TRAF2: variants seen among roughly 807,000 people sequenced by gnomAD.
The protein encoded by TRAF2 is TNF receptor-associated factor 2.
TRAF2 carries 6 observed loss-of-function variants against 55.6 expected under a neutral mutation model. The observed-to-expected ratio is 0.11, with a 90% CI of 0.06 to 0.21. The LOEUF is 0.21. Among genes scored for constraint, TRAF2 ranks in the 10% least tolerant of loss-of-function variants. The probability of loss-of-function intolerance (pLI) is 1.00; values close to 1 mark genes in which losing one functional copy is unlikely to be tolerated. For missense variants in TRAF2, 561 were observed against 684.5 expected, an observed-to-expected ratio of 0.82 and a Z score of 2.01; for synonymous variants, 329 against 276.3, an observed-to-expected ratio of 1.19 and a Z score of -1.89.
At chr9:136,888,383 A>T (rs1849501433) in intron 1 of TRAF2, among the ~76,000 whole-genome samples, 1 of 152,094 alleles carries the variant, frequency 6.6e-6, no homozygotes, top group Non-Finnish European at 1.5e-5. Flanking sequence ...GTGAGCCGAG[A>T]TCGCGCCACT....
intron 6 of TRAF2, 79 bp downstream of exon 6, chr9:136,910,073 G>C: frequency 6.9e-7 from 1 of 1,451,254 alleles, no homozygotes; most frequent in Non-Finnish European, 9.5e-7. Flanking sequence ...GGTGGGGGTG[G>C]GGCAGGTTAT....
chr9:136,906,059 C>G (rs1463711934), intron 4 of TRAF2, among the ~76,000 whole-genome samples: 1 of 152,128 alleles, frequency 6.6e-6, no homozygotes, highest in Non-Finnish European at 1.5e-5. Context: ...TTGCAGTGAG[C>G]CGAGATCGCG....
At chr9:136,893,056 G>A (rs1849613231) in intron 1 of TRAF2, among the ~76,000 whole-genome samples, 1 of 152,190 alleles carries the variant, frequency 6.6e-6, no homozygotes, top group African/African-American at 2.4e-5. Context: ...ATGAATGTGC[G>A]CTGAGGGTGC....
intron 6 of TRAF2, among the ~76,000 whole-genome samples, chr9:136,915,880 C>A (rs1850228983): frequency 6.6e-6 from 1 of 152,276 alleles, no homozygotes; most frequent in East Asian, 1.9e-4. Flanking sequence ...TTCCCTCCTT[C>A]CGGGTATGAA....
intron 3 of TRAF2, 141 bp from the exon 4 acceptor site, chr9:136,900,279 CAG>C (rs776142228): frequency 1.5e-5 from 8 of 536,764 alleles, no homozygotes; most frequent in South Asian, 8.3e-5. Context: ...AAAAAGGAAT[CAG>C]AGAGTCATCC....
chr9:136,898,881 G>A lies in TRAF2; in HGVS notation c.141G>A (p.Ala47=), dbSNP rs757984458. The change falls in exon 2 of 11, where the codon GCG becomes GCA. Residue 47 remains alanine (A), a synonymous_variant. Transcript: ENST00000247668. ...CRNVLRRPFQ[A]QCGHRYCSFC... is the part of the protein sequence containing the mutation. ...ACGTCCTCCGCAGGCCCTTCCAGGC[G>A]CAGTGTGGCCACCGGTACTGCTCCT... 37 of 1,612,678 alleles carry A rather than the reference G, an allele frequency of 2.3e-5. No homozygotes were observed. In the East Asian group the frequency reaches 2.5e-4, roughly 11 times the overall value.
intron 4 of TRAF2, among the ~76,000 whole-genome samples, chr9:136,904,037 T>G (rs1201740466): frequency 1.3e-5 from 2 of 152,202 alleles, no homozygotes; most frequent in Admixed American, 1.3e-4. Flanking sequence ...GCAGTGAGGC[T>G]GAGAGTAGAG....
chr9:136,907,290 G>A (rs533728693), intron 4 of TRAF2, among the ~76,000 whole-genome samples: 6 of 152,344 alleles, frequency 3.9e-5, no homozygotes, highest in African/African-American at 1.4e-4. Flanking sequence ...TGCCTCCACT[G>A]CCTGCCTTCC....
intron 4 of TRAF2, among the ~76,000 whole-genome samples, chr9:136,901,740 C>T (rs1024354952): frequency 5.9e-5 from 9 of 152,164 alleles, no homozygotes; most frequent in Non-Finnish European, 1.0e-4. Context: ...GCTTCCTGCC[C>T]GGGCCAGAGC....
At position 136,926,054 on chromosome 9, in the gene TRAF2, C is replaced by T. The variant is rs1026538130; in HGVS notation, c.*153C>T. ...GTCGGCCTGCAGCCAAGTTCACTGT[C>T]ACGGGGGAAGGAGCCACCAGCCAGT... is the stretch of plus-strand genomic sequence containing the variant. On this transcript the variant is annotated 3_prime_UTR_variant, in exon 11 of 11. Transcript: ENST00000247668. 1 of 946,484 alleles carries T rather than the reference C, an allele frequency of 1.1e-6. No individual in the cohort carries two copies. Among genetic ancestry groups the T allele is most frequent in the Admixed American group, 1.8e-5 (1 of 56,612 alleles). 58.6% of individuals were successfully genotyped at this position (946,484 alleles called of 1,614,324 possible).
upstream of TRAF2, among the ~76,000 whole-genome samples, chr9:136,884,583 G>A (rs1192701966): frequency 2.7e-5 from 4 of 148,454 alleles, no homozygotes; most frequent in Non-Finnish European, 4.5e-5. Context: ...AAGAGACAGG[G>A]TCTCACTCTA....
chr9:136,908,593 G>A (rs1850015993), intron 5 of TRAF2, among the ~76,000 whole-genome samples: 2 of 150,788 alleles, frequency 1.3e-5, no homozygotes. Flanking sequence ...GTGGCCAGGT[G>A]CGGCGGTTCA....
rs753482963 is a variant in TRAF2, at chr9:136,925,926, T to G, written c.*25T>G. On this transcript the variant is annotated 3_prime_UTR_variant, in exon 11 of 11. Transcript: ENST00000247668. Reference sequence around the variant, plus strand: ...ACTGCCCCCTACTGGTGTCTGGGGGTTGGGGGCAGCCAGGCACAGCCGGCT... The same window carrying G: ...ACTGCCCCCTACTGGTGTCTGGGGGGTGGGGGCAGCCAGGCACAGCCGGCT... 6.2e-7 allele frequency: 1 copy of G among 1,612,440 alleles called. No individual in the cohort carries two copies. The highest frequency in any genetic ancestry group is 1.1e-5 in the South Asian group (1 of 91,016).
At position 136,902,351 on chromosome 9, in the gene TRAF2, G is replaced by A. The variant is rs1303594417; in HGVS notation, c.366+1831G>A. 3.3e-5 allele frequency: 5 copies of A among 152,414 alleles called. No individual in the cohort carries two copies. In the East Asian group the frequency reaches 9.6e-4, roughly 29 times the overall value. 9.4% of individuals were successfully genotyped at this position (152,414 alleles called of 1,614,324 possible). On this transcript the variant is annotated intron_variant, in intron 4 of 10. Coordinates refer to ENST00000247668, the MANE Select transcript of TRAF2 (RefSeq NM_021138.4). ...TGGCTGCAGGGAGTAGGGGTGCTAT[G>A]CGCCATGCCACCCTTTGAGAGGACT...
chr9:136,925,533 G>A (rs865802610), intron 10 of TRAF2, 150 bp from the exon 11 acceptor site: 122 of 747,980 alleles, frequency 1.6e-4, no homozygotes, highest in Middle Eastern at 7.8e-4. Context: ...GAGCAAGGCC[G>A]CCCACCACGT....
intron 6 of TRAF2, among the ~76,000 whole-genome samples, chr9:136,912,509 C>T (rs552636732): frequency 2.6e-5 from 4 of 151,998 alleles, no homozygotes; most frequent in Admixed American, 1.3e-4. Context: ...ACACTGGTAA[C>T]GTATTTGTTT....
intron 6 of TRAF2, among the ~76,000 whole-genome samples, chr9:136,911,408 G>GTA (rs1367602878): frequency 1.3e-5 from 2 of 151,914 alleles, no homozygotes; most frequent in Non-Finnish European, 2.9e-5. Flanking sequence ...GGGATTGCAG[G>GTA]TATGCACCAC....
At chr9:136,890,936 C>T (rs1849569400) in intron 1 of TRAF2, among the ~76,000 whole-genome samples, 2 of 152,142 alleles carry the variant, frequency 1.3e-5, no homozygotes, top group Admixed American at 6.5e-5. Context: ...TTGTTGTGAA[C>T]CTCGGCTCAC....
At chr9:136,890,773 G>C (rs11145920) in intron 1 of TRAF2, among the ~76,000 whole-genome samples, 3 of 152,226 alleles carry the variant, frequency 2.0e-5, no homozygotes, top group Non-Finnish European at 4.4e-5. Flanking sequence ...TCCCCTGACC[G>C]GGCTGCCTGC....
Sources: allele counts gnomAD v4.1 joint callset (sites outside exome capture counted in the v4.1 genomes callset), GRCh38; gene constraint gnomAD v4.1.1; transcripts MANE v1.5; gene names NCBI Gene and HGNC (gene_info 2026-07-23, HGNC 2026-07-21).